ABR: variants seen among roughly 807,000 people sequenced by gnomAD.
ABR encodes ABR activator of RhoGEF and GTPase.
A neutral mutation model predicts 107.2 loss-of-function variants in ABR; 35 were observed. The ratio of observed to expected loss-of-function variants is 0.33; its 90% confidence interval spans 0.25 to 0.43. The LOEUF (loss-of-function observed/expected upper bound fraction) is 0.43, where lower values mean the gene tolerates loss of function less well. ABR is among the 20% of genes least tolerant of loss of function. The pLI is 1.00. For missense variants in ABR, 815 were observed against 1,115.2 expected (o/e 0.73, Z 3.83); for synonymous variants, 498 against 462.0 (o/e 1.08, Z -1.00).
At chr17:1,207,225 G>A (rs1434553849) in intron 1 of ABR, among the ~76,000 whole-genome samples, 1 of 149,338 alleles carries the variant, frequency 6.7e-6, no homozygotes, top group Non-Finnish European at 1.5e-5. Flanking sequence ...TGGCACTCCA[G>A]CCTGGGCAAC....
At chr17:1,126,947 T>A (rs768399084) in intron 1 of ABR, among the ~76,000 whole-genome samples, 15 of 151,852 alleles carry the variant, frequency 9.9e-5, no homozygotes, top group Non-Finnish European at 2.1e-4. Context: ...CCAGCCAAGT[T>A]CTCCACGGGG....
chr17:1,066,962 A>G, intron 10 of ABR, 115 bp downstream of exon 10: 2 of 1,100,208 alleles, frequency 1.8e-6, no homozygotes, highest in South Asian at 2.9e-5. Flanking sequence ...TTCCCTTAGT[A>G]ACTACACACT....
chr17:1,134,627 G>T (rs1252886578), intron 1 of ABR, among the ~76,000 whole-genome samples: 2 of 152,146 alleles, frequency 1.3e-5, no homozygotes, highest in African/African-American at 4.8e-5. Context: ...AGTCCAATCA[G>T]CAATCAAATC....
At chr17:1,166,810 G>A (rs2041530396) in intron 1 of ABR, among the ~76,000 whole-genome samples, 1 of 152,166 alleles carries the variant, frequency 6.6e-6, no homozygotes, top group Non-Finnish European at 1.5e-5. Flanking sequence ...GACCAGCCTG[G>A]CCAACATGGT....
At chr17:1,166,329 C>T (rs1437202571) in intron 1 of ABR, among the ~76,000 whole-genome samples, 1 of 151,958 alleles carries the variant, frequency 6.6e-6, no homozygotes, top group East Asian at 1.9e-4. Context: ...GCCCAGTCCC[C>T]GGTCCTGATA....
chr17:1,014,543 A>G (rs567811633), intron 16 of ABR, among the ~76,000 whole-genome samples: 3 of 151,852 alleles, frequency 2.0e-5, no homozygotes, highest in South Asian at 4.2e-4. Context: ...TCAAAATTCA[A>G]TATTAAGAAA....
intron 1 of ABR, among the ~76,000 whole-genome samples, chr17:1,152,572 C>T (rs995681520): frequency 1.3e-5 from 2 of 150,286 alleles, no homozygotes; most frequent in South Asian, 2.1e-4. Flanking sequence ...GCCTGGAGAA[C>T]AAGAGTGAAA....
At chr17:1,107,238 T>C (rs2258026) in intron 2 of ABR, among the ~76,000 whole-genome samples, 119,035 of 152,192 alleles carry the variant, frequency 0.78, 47,110 homozygotes, top group African/African-American at 0.91. Context: ...CAGGCTCTCT[T>C]GGCATCCGTG....
At chr17:1,026,067 G>A (rs2072169057) in intron 16 of ABR, among the ~76,000 whole-genome samples, 1 of 152,206 alleles carries the variant, frequency 6.6e-6, no homozygotes, top group Admixed American at 6.5e-5. Context: ...ACTCTCCCAG[G>A]GTGCTCAGGG....
chr17:1,090,791 A>T (rs2036969970), intron 4 of ABR, among the ~76,000 whole-genome samples: 1 of 152,110 alleles, frequency 6.6e-6, no homozygotes, highest in Non-Finnish European at 1.5e-5. Context: ...GAAGGAGGAG[A>T]AGGTCCTCTG....
intron 1 of ABR, among the ~76,000 whole-genome samples, chr17:1,162,024 C>T (rs1034013406): frequency 2.6e-5 from 4 of 152,160 alleles, no homozygotes; most frequent in African/African-American, 7.2e-5. Context: ...CAGTGCTGCA[C>T]GGACTTTACA....
intron 2 of ABR, among the ~76,000 whole-genome samples, chr17:1,121,307 G>C (rs907974730): frequency 3.3e-5 from 5 of 152,256 alleles, no homozygotes; most frequent in Non-Finnish European, 7.3e-5. Flanking sequence ...GCAGAAAGGA[G>C]GTTGATTGCA....
intron 2 of ABR, among the ~76,000 whole-genome samples, chr17:1,111,983 G>A (rs561345798): frequency 5.3e-5 from 8 of 152,316 alleles, no homozygotes; most frequent in Admixed American, 3.3e-4. Flanking sequence ...CTGTTAGTGC[G>A]GCCGCCATCT....
chr17:1,130,064 T>A (rs1202311239), intron 1 of ABR, among the ~76,000 whole-genome samples: 1 of 152,232 alleles, frequency 6.6e-6, no homozygotes, highest in Non-Finnish European at 1.5e-5. Flanking sequence ...CTGGGAACGT[T>A]AGACAGCAGG....
intron 2 of ABR, among the ~76,000 whole-genome samples, chr17:1,103,673 G>A (rs2038057371): frequency 6.6e-6 from 1 of 152,136 alleles, no homozygotes; most frequent in Admixed American, 6.6e-5. Flanking sequence ...GTTCTGATGG[G>A]AAGACAACTC....
chr17:1,166,927 G>A (rs1178258876), intron 1 of ABR, among the ~76,000 whole-genome samples: 6 of 152,138 alleles, frequency 3.9e-5, no homozygotes, highest in Non-Finnish European at 7.4e-5. Context: ...GCTTGAACTG[G>A]GAGGCAGAGG....
rs913755304 is a variant in ABR at position 1,200,163 on chromosome 17, C to T, written c.838+28630G>A. Among the ~76,000 whole-genome samples the T allele has an allele frequency of 6.6e-6, 1 of 151,628 alleles. No individual in the cohort carries two copies. Among genetic ancestry groups the T allele is most frequent in the African/African-American group, 2.4e-5 (1 of 41,270 alleles). ...GGAAAACAATTAAAAAAAAACACCACAAAAATAAAAAATACAAATAATACA... is the reference window on the plus strand; with the variant it reads ...GGAAAACAATTAAAAAAAAACACCATAAAAATAAAAAATACAAATAATACA... On this transcript the variant is annotated intron_variant, in intron 1 of 22. Coordinates refer to the ABR transcript ENST00000574139. The surrounding 1 kb of genome is among the most constrained non-coding windows in gnomAD (Gnocchi z 4.1).
At chr17:1,095,401 A>T (rs375374285) in intron 3 of ABR, among the ~76,000 whole-genome samples, 47 of 152,148 alleles carry the variant, frequency 3.1e-4, no homozygotes, top group African/African-American at 9.4e-4. Flanking sequence ...CGGGGAGGGG[A>T]CAGGGCTGGG....
At chr17:1,213,922 C>G (rs2042950907) in intron 1 of ABR, among the ~76,000 whole-genome samples, 1 of 152,086 alleles carries the variant, frequency 6.6e-6, no homozygotes, top group African/African-American at 2.4e-5. Context: ...GAGTCTCGCC[C>G]TATCGCCCAG....
Sources: allele counts gnomAD v4.1 joint callset (sites outside exome capture counted in the v4.1 genomes callset), GRCh38; gene constraint gnomAD v4.1.1; non-coding constraint Gnocchi (gnomAD v3.1); transcripts MANE v1.5; gene names NCBI Gene and HGNC (gene_info 2026-07-23, HGNC 2026-07-21).